The following KLHL1 variants were observed in gnomAD, a reference collection of about 807,000 sequenced individuals.
KLHL1 encodes kelch-like protein 1.
In KLHL1, 47 loss-of-function variants were observed where a neutral mutation model predicts 77.7. The ratio of observed to expected loss-of-function variants is 0.60; its 90% confidence interval spans 0.48 to 0.77. The LOEUF (loss-of-function observed/expected upper bound fraction) is 0.77, where lower values mean the gene tolerates loss of function less well. Among genes scored for constraint, KLHL1 ranks in the 30% least tolerant of loss-of-function variants. KLHL1 has a pLI of 0.00. For missense variants in KLHL1, 925 were observed against 910.8 expected (o/e 1.02, Z -0.20); for synonymous variants, 360 against 325.2 (o/e 1.11, Z -1.15).
chr13:69,728,676 C>T (rs970054567), intron 8 of KLHL1, among the ~76,000 whole-genome samples: 4 of 145,758 alleles, frequency 2.7e-5, no homozygotes, highest in Non-Finnish European at 4.5e-5. Flanking sequence ...AGTGTGGTGA[C>T]GTATGCCTGT....
chr13:70,042,879 G>A (rs1270998837), intron 1 of KLHL1, among the ~76,000 whole-genome samples: 2 of 152,072 alleles, frequency 1.3e-5, no homozygotes, highest in African/African-American at 2.4e-5. Flanking sequence ...AGATATGGAG[G>A]GGGAAGACAG....
At chr13:69,748,541 A>T (rs1763664455) in intron 7 of KLHL1, among the ~76,000 whole-genome samples, 2 of 151,986 alleles carry the variant, frequency 1.3e-5, no homozygotes, top group Admixed American at 6.6e-5. Context: ...ATAACATGTG[A>T]GAATTATGGG....
intron 8 of KLHL1, among the ~76,000 whole-genome samples, chr13:69,728,182 C>T (rs560667698): frequency 6.6e-6 from 1 of 151,876 alleles, no homozygotes; most frequent in East Asian, 1.9e-4. Flanking sequence ...AAAATGTATA[C>T]AATTTGGGGT....
At chr13:69,764,094 G>T (rs1020642636) in intron 7 of KLHL1, among the ~76,000 whole-genome samples, 3 of 152,084 alleles carry the variant, frequency 2.0e-5, no homozygotes, top group African/African-American at 7.2e-5. Context: ...TTGACAAAAT[G>T]GGGGAAATCG....
chr13:70,107,517 C>G lies in KLHL1; in HGVS notation c.183G>C (p.Glu61Asp), dbSNP rs111324959. The G allele has an allele frequency of 4.4e-4, 707 of 1,612,850 alleles. 2 individuals carry two copies. In the African/African-American group the frequency reaches 8.0e-3, roughly 18 times the overall value. Reference sequence around the variant, plus strand: ...TCCAGAAAGTGCTCACACCGCTTCTCTCTTGGCTTTTGAGCAGGCGACTCT... The same window carrying G: ...TCCAGAAAGTGCTCACACCGCTTCTGTCTTGGCTTTTGAGCAGGCGACTCT... The part of the protein sequence containing the change: ...PSQSRLLKSQ[E>D]RSGVSTFWKK... The change falls in exon 1 of 11, where the codon GAG becomes GAC. Residue 61 changes from glutamate to aspartate, a missense_variant. By Grantham distance (45) the Glu-to-Asp change is conservative (BLOSUM62 2). Transcript: ENST00000377844.
At chr13:70,019,985 T>C (rs1305501187) in intron 1 of KLHL1, among the ~76,000 whole-genome samples, 2 of 152,152 alleles carry the variant, frequency 1.3e-5, no homozygotes, top group East Asian at 1.9e-4. Context: ...AAACAGAGTT[T>C]GTTCCTTTTT....
intron 4 of KLHL1, among the ~76,000 whole-genome samples, chr13:69,928,995 C>T (rs1461551110): frequency 1.3e-5 from 2 of 152,034 alleles, no homozygotes; most frequent in East Asian, 3.8e-4. Context: ...TATTGATCAT[C>T]TCTTATGCTC....
chr13:70,042,821 C>G (rs1847156919), intron 1 of KLHL1, among the ~76,000 whole-genome samples: 1 of 152,146 alleles, frequency 6.6e-6, no homozygotes, highest in African/African-American at 2.4e-5. Flanking sequence ...GATGACAGCT[C>G]CATGCTAGTC....
chr13:69,997,787 T>C (rs185692523), intron 1 of KLHL1, among the ~76,000 whole-genome samples: 131 of 148,338 alleles, frequency 8.8e-4, no homozygotes, highest in African/African-American at 3.0e-3. Flanking sequence ...TAATATATAA[T>C]ATGTATTTTA....
At chr13:69,938,244 A>G (rs1267798778) in intron 4 of KLHL1, among the ~76,000 whole-genome samples, 1 of 152,158 alleles carries the variant, frequency 6.6e-6, no homozygotes, top group Non-Finnish European at 1.5e-5. Context: ...AATGGTTACC[A>G]TAAACATCTA....
intron 3 of KLHL1, among the ~76,000 whole-genome samples, chr13:69,950,232 A>G (rs559517529): frequency 2.6e-5 from 4 of 151,848 alleles, no homozygotes; most frequent in Non-Finnish European, 5.9e-5. Context: ...TTATACCTAT[A>G]AAAGTCCACT....
intron 1 of KLHL1, among the ~76,000 whole-genome samples, chr13:70,035,404 A>G (rs1886214230): frequency 6.6e-6 from 1 of 152,172 alleles, no homozygotes; most frequent in South Asian, 2.1e-4. Flanking sequence ...ACATGAGGAT[A>G]GAGAGTAGAA....
intron 1 of KLHL1, among the ~76,000 whole-genome samples, chr13:69,980,743 G>T (rs1884683344): frequency 6.6e-6 from 1 of 151,966 alleles, no homozygotes; most frequent in African/African-American, 2.4e-5. Context: ...ATATTGTGTG[G>T]TGCTGAGGGG....
At chr13:69,911,401 G>A (rs1882235069) in intron 4 of KLHL1, among the ~76,000 whole-genome samples, 1 of 151,982 alleles carries the variant, frequency 6.6e-6, no homozygotes, top group Non-Finnish European at 1.5e-5. Context: ...TGGCTCTGAA[G>A]TGGTTAGTTT....
intron 1 of KLHL1, among the ~76,000 whole-genome samples, chr13:70,012,682 G>A (rs902986109): frequency 1.1e-4 from 16 of 151,956 alleles, no homozygotes; most frequent in African/African-American, 3.1e-4. Context: ...AGGCTGAGGC[G>A]GGTGGATCAC....
rs536596323 is a variant in KLHL1 at position 69,945,100 on chromosome 13, C to T, written c.818-4864G>A. Among the ~76,000 whole-genome samples the T allele has an allele frequency of 4.0e-5, 6 of 150,400 alleles. No homozygotes were observed. In the South Asian group the frequency reaches 1.0e-3, roughly 26 times the overall value. On this transcript the variant is annotated intron_variant, in intron 3 of 10. Coordinates refer to ENST00000377844, the MANE Select transcript of KLHL1 (RefSeq NM_020866.3). ...TCCCGGGTTCAAGTGATTCTCCTGC[C>T]TCAGCCTCCCAGGTAGCTGGGATTA...
chr13:70,024,092 AGAG>A (rs1004102006), intron 1 of KLHL1, among the ~76,000 whole-genome samples: 14 of 151,892 alleles, frequency 9.2e-5, no homozygotes, highest in African/African-American at 3.1e-4. Flanking sequence ...TTACGAGATC[AGAG>A]GAGATCGGGC....
chr13:69,788,659 A>G (rs1876696013), intron 7 of KLHL1, among the ~76,000 whole-genome samples: 1 of 127,698 alleles, frequency 7.8e-6, no homozygotes, highest in Admixed American at 7.2e-5. Context: ...CTTAAAGTAT[A>G]ATAATAATAA....
intron 5 of KLHL1, among the ~76,000 whole-genome samples, chr13:69,849,805 G>A (rs1879613085): frequency 1.3e-5 from 2 of 151,394 alleles, no homozygotes; most frequent in Non-Finnish European, 3.0e-5. Flanking sequence ...AACTATTTAA[G>A]TGATTGATTA....
Sources: gnomAD v4.1 joint callset for allele counts (sites outside exome capture counted in the v4.1 genomes callset) on GRCh38, gnomAD v4.1.1 for gene constraint, MANE v1.5 for transcripts, NCBI Gene and HGNC (gene_info 2026-07-23, HGNC 2026-07-21) for gene names.